The following PDE8A variants were observed in gnomAD, a reference collection of about 807,000 sequenced individuals.
PDE8A encodes the protein high affinity cAMP-specific and IBMX-insensitive 3',5'-cyclic phosphodiesterase 8A.
Under a neutral mutation model 105.0 loss-of-function variants are expected in PDE8A, and 59 were observed. The observed-to-expected ratio is 0.56, with a 90% CI of 0.46 to 0.70. The LOEUF is 0.70. PDE8A is among the 30% of genes least tolerant of loss of function. The pLI, the probability that PDE8A is intolerant of heterozygous loss-of-function variation, is 0.00. For missense variants in PDE8A, 1,014 were observed against 1,045.9 expected (o/e 0.97, Z 0.42); for synonymous variants, 355 against 371.9 (o/e 0.95, Z 0.52).
In PDE8A at chr15:85,014,131, T is replaced by C. The variant is rs532212045; in HGVS notation, c.186+31783T>C. On this transcript the variant is annotated intron_variant, in intron 1 of 21. Coordinates refer to ENST00000394553, the MANE Select transcript of PDE8A (RefSeq NM_002605.3). ...TCACATCTTTCTTTCTTCCTTTCTT[T>C]TTCTTTTTCTTTTTCTTTTTTTTTA... Among the ~76,000 whole-genome samples the C allele has an allele frequency of 7.4e-5, 8 of 108,026 alleles. No homozygotes were observed. The East Asian group carries it at 1.7e-3, about 23-fold the overall frequency. 70.9% of individuals were successfully genotyped at this position (108,026 alleles called of 152,430 possible). A position where few individuals can be genotyped will look rare whatever the true frequency, so the allele number is the denominator to read the frequency against.
chr15:85,019,943 G>GTTTTTTTTTT (rs201634002), intron 1 of PDE8A, among the ~76,000 whole-genome samples: 17 of 64,760 alleles, frequency 2.6e-4, no homozygotes, highest in East Asian at 5.8e-4. Flanking sequence ...TTTTTTTTTG[G>GTTTTTTTTTT]TTTTTTTTTT....
intron 8 of PDE8A, among the ~76,000 whole-genome samples, chr15:85,096,474 A>G (rs2141551019): frequency 6.6e-6 from 1 of 152,304 alleles, no homozygotes; most frequent in East Asian, 1.9e-4. Flanking sequence ...TAAAGAAAGT[A>G]TACTATTTGG....
intron 11 of PDE8A, among the ~76,000 whole-genome samples, chr15:85,104,519 T>C (rs1339329376): frequency 6.6e-6 from 1 of 151,822 alleles, no homozygotes; most frequent in Non-Finnish European, 1.5e-5. Flanking sequence ...AACTCCTGAA[T>C]CCAGCCTCAG....
intron 1 of PDE8A, among the ~76,000 whole-genome samples, chr15:85,039,903 A>T (rs992546941): frequency 6.6e-6 from 1 of 152,188 alleles, no homozygotes; most frequent in African/African-American, 2.4e-5. Context: ...TTAGAAGTAA[A>T]GAGTAGAATG....
chr15:85,096,181 T>C (rs1001058748), intron 8 of PDE8A, among the ~76,000 whole-genome samples: 1 of 152,226 alleles, frequency 6.6e-6, no homozygotes, highest in Non-Finnish European at 1.5e-5. Context: ...GGCCTGAATA[T>C]ATTTTTTTAA....
intron 1 of PDE8A, among the ~76,000 whole-genome samples, chr15:85,060,889 T>C (rs2081133860): frequency 6.6e-6 from 1 of 152,230 alleles, no homozygotes. Flanking sequence ...TTGAGATCTT[T>C]ATTTCTTCAG....
chr15:85,059,381 T>C (rs181651881), intron 1 of PDE8A, among the ~76,000 whole-genome samples: 2 of 152,340 alleles, frequency 1.3e-5, no homozygotes, highest in Non-Finnish European at 2.9e-5. Flanking sequence ...TAGATCTTGT[T>C]GGTTTATTGT....
intron 1 of PDE8A, among the ~76,000 whole-genome samples, chr15:85,014,800 C>T (rs1347142548): frequency 2.0e-5 from 3 of 152,124 alleles, no homozygotes; most frequent in Non-Finnish European, 4.4e-5. Context: ...TATACTCGCC[C>T]TTATAAAGTA....
chr15:84,999,223 C>T (rs150579852), intron 1 of PDE8A, among the ~76,000 whole-genome samples: 23 of 149,950 alleles, frequency 1.5e-4, no homozygotes, highest in Non-Finnish European at 2.5e-4. Context: ...TGGGTTCAGG[C>T]GATTCTCCTG....
chr15:85,080,703 TG>T (rs2081450593), intron 5 of PDE8A, among the ~76,000 whole-genome samples: 1 of 152,210 alleles, frequency 6.6e-6, no homozygotes, highest in African/African-American at 2.4e-5. Flanking sequence ...AAGTAAATCA[TG>T]GTCCTTATAT....
chr15:85,007,500 GTTACGCTATATGTACT>G (rs1313897584), intron 1 of PDE8A, among the ~76,000 whole-genome samples: 2 of 151,488 alleles, frequency 1.3e-5, no homozygotes, highest in African/African-American at 4.9e-5. Flanking sequence ...TATTAGTACA[GTTACGCTATATGTACT>G]TTCTGTGTAT....
At chr15:85,122,476 T>TA (rs1205809602) in intron 18 of PDE8A, among the ~76,000 whole-genome samples, 1 of 152,240 alleles carries the variant, frequency 6.6e-6, no homozygotes, top group Non-Finnish European at 1.5e-5. Flanking sequence ...TGCTTATAGT[T>TA]ACATCAGTTA....
chr15:85,119,543 A>T (rs2082149681), intron 17 of PDE8A, among the ~76,000 whole-genome samples: 2 of 149,962 alleles, frequency 1.3e-5, no homozygotes, highest in African/African-American at 4.9e-5. Flanking sequence ...AAATTATTGA[A>T]TTTTAATTTA....
intron 1 of PDE8A, among the ~76,000 whole-genome samples, chr15:85,046,418 A>G (rs910844880): frequency 6.6e-6 from 1 of 152,212 alleles, no homozygotes; most frequent in Non-Finnish European, 1.5e-5. Context: ...CCTGTATTAC[A>G]TACATATATT....
chr15:85,061,344 C>T (rs2081142060), intron 1 of PDE8A, among the ~76,000 whole-genome samples: 1 of 152,212 alleles, frequency 6.6e-6, no homozygotes, highest in East Asian at 1.9e-4. Context: ...AGCAATTCTC[C>T]TGCCTCAGCC....
At chr15:85,040,599 C>T (rs1319384771) in intron 1 of PDE8A, among the ~76,000 whole-genome samples, 5 of 135,788 alleles carry the variant, frequency 3.7e-5, no homozygotes, top group Non-Finnish European at 7.6e-5. Context: ...CTGGGTCTGT[C>T]GTCCAGGCAG....
chr15:85,136,667 A>C lies in PDE8A; in HGVS notation c.2383+4A>C. The C allele has an allele frequency of 1.2e-6, 2 of 1,613,098 alleles. No individual in the cohort carries two copies. The highest frequency in any genetic ancestry group is 1.7e-6 in the Non-Finnish European group (2 of 1,179,514). On this transcript the variant is annotated splice_donor_region_variant and intron_variant, in intron 21 of 21. Coordinates refer to ENST00000394553, the MANE Select transcript of PDE8A (RefSeq NM_002605.3). ...GACATGTTTGATGCTTGGGATGGTA[A>C]GAAATCTTCCTTAAAATAGCATATT...
intron 11 of PDE8A, 111 bp from the exon 12 acceptor site, chr15:85,108,942 G>C: frequency 1.4e-6 from 1 of 691,464 alleles, no homozygotes; most frequent in Non-Finnish European, 2.5e-6. Flanking sequence ...TACTTTTGTG[G>C]CATTTAAAAC....
At chr15:85,078,987 A>G (rs189213850) in intron 5 of PDE8A, among the ~76,000 whole-genome samples, 11 of 152,312 alleles carry the variant, frequency 7.2e-5, no homozygotes, top group African/African-American at 2.6e-4. Flanking sequence ...CTCTAACCAT[A>G]TAAGAAATGA....
Sources: allele counts gnomAD v4.1 joint callset (sites outside exome capture counted in the v4.1 genomes callset), GRCh38; gene constraint gnomAD v4.1.1; transcripts MANE v1.5; gene names NCBI Gene and HGNC (gene_info 2026-07-23, HGNC 2026-07-21).